TBC1D12: variants seen among roughly 807,000 people sequenced by gnomAD.
TBC1D12 encodes TBC1 domain family member 12.
TBC1D12 carries 56 observed loss-of-function variants against 86.7 expected under a neutral mutation model. That is an observed-to-expected ratio of 0.65 (90% CI 0.52 to 0.81). The LOEUF is 0.81. Ranked by LOEUF, TBC1D12 falls within the 30% of genes least tolerant of loss-of-function variation. The probability of loss-of-function intolerance (pLI) is 0.00; values close to 1 mark genes in which losing one functional copy is unlikely to be tolerated. For synonymous variants in TBC1D12, 421 were observed against 411.7 expected, an observed-to-expected ratio of 1.02 and a Z score of -0.27; for missense variants, 1,023 against 1,038.8, an observed-to-expected ratio of 0.98 and a Z score of 0.21.
chr10:94,428,994 C>G (rs1227366673), intron 1 of TBC1D12, among the ~76,000 whole-genome samples: 5 of 152,112 alleles, frequency 3.3e-5, no homozygotes, highest in Admixed American at 2.6e-4. Flanking sequence ...CGTGAGTCAT[C>G]ATGCTCAGCA....
chr10:94,514,050 CA>C (rs34400993), intron 9 of TBC1D12, among the ~76,000 whole-genome samples: 55,202 of 133,620 alleles, frequency 0.41, 10,879 homozygotes, highest in East Asian at 0.69. Context: ...AAAAAAAAAA[CA>C]AAAAAAAAAA....
At chr10:94,459,926 C>T (rs1053573482) in intron 2 of TBC1D12, among the ~76,000 whole-genome samples, 42 of 152,322 alleles carry the variant, frequency 2.8e-4, no homozygotes, top group Middle Eastern at 3.4e-3. Flanking sequence ...TGGCCTCAGC[C>T]TGCCCAGAGA....
chr10:94,482,880 T>A (rs1297217066), intron 3 of TBC1D12, among the ~76,000 whole-genome samples: 1 of 152,168 alleles, frequency 6.6e-6, no homozygotes, highest in Non-Finnish European at 1.5e-5. Flanking sequence ...ACTTTTTAGC[T>A]CTACAAATAA....
Position 94,402,894 on chromosome 10 carries a change from A to T in TBC1D12, c.281A>T (p.Gln94Leu). Residue 94 changes from glutamine to leucine, a missense_variant, in exon 1 of 13, where the codon CAG becomes CTG. By Grantham distance (113) the Gln-to-Leu change is moderately radical. Around this residue, in one of 2 missense-constraint regions of TBC1D12, gnomAD observed 628 missense variants for 531.1 expected, o/e 1.18. Transcript: ENST00000225235. ...TGCTACTGTCCGCTCCCCGCTGGCC[A>T]GGCCGGCGCCCCGCCGCCCTCGGCA... ...GLCYCPLPAG[Q>L]AGAPPPSAAP... 6.7e-7 allele frequency: 1 copy of T among 1,487,672 alleles called. No individual in the cohort carries two copies. The highest frequency in any genetic ancestry group is 8.9e-7 in the Non-Finnish European group (1 of 1,126,226). The allele number at this position is 1,487,672 out of a possible 1,614,324, so 92.2% of individuals were successfully genotyped here. A position where few individuals can be genotyped will look rare whatever the true frequency, so the allele number is the denominator to read the frequency against.
At chr10:94,518,217 T>A (rs1461395797) in intron 9 of TBC1D12, among the ~76,000 whole-genome samples, 2 of 151,990 alleles carry the variant, frequency 1.3e-5, no homozygotes, top group African/African-American at 4.8e-5. Flanking sequence ...TTTTCTTTTC[T>A]TTTTCTTTTT....
chr10:94,481,045 CTTTTT>C (rs769709070), intron 3 of TBC1D12, among the ~76,000 whole-genome samples: 3 of 126,954 alleles, frequency 2.4e-5, no homozygotes, highest in Admixed American at 8.2e-5. Context: ...TGAAAGGAAT[CTTTTT>C]TTTTTTTTTT....
At position 94,517,400 on chromosome 10, in the gene TBC1D12, C is replaced by T. The variant is rs138493986; in HGVS notation, c.1762-4555C>T. 7.1e-3 allele frequency among the ~76,000 whole-genome samples: 1,079 copies of T among 152,204 alleles called. 9 individuals are homozygous for T. Among genetic ancestry groups the T allele is most frequent in the Non-Finnish European group, 0.011 (769 of 67,988 alleles). ...CTCAAAACAAACAAACAAAAATCCTCACTTAAAGGCACTTGTTTAACCTGG... is the reference window on the plus strand; with the variant it reads ...CTCAAAACAAACAAACAAAAATCCTTACTTAAAGGCACTTGTTTAACCTGG... On this transcript the variant is annotated intron_variant, in intron 9 of 12. Transcript: ENST00000225235.
chr10:94,426,069 G>A (rs1340872209), intron 1 of TBC1D12, among the ~76,000 whole-genome samples: 1 of 152,036 alleles, frequency 6.6e-6, no homozygotes, highest in Non-Finnish European at 1.5e-5. Flanking sequence ...GATTCTATGA[G>A]GTGACTGTAG....
At chr10:94,512,856 T>A (rs542360805) in intron 9 of TBC1D12, among the ~76,000 whole-genome samples, 295 of 152,282 alleles carry the variant, frequency 1.9e-3, no homozygotes, top group Non-Finnish European at 2.5e-3. Flanking sequence ...CCTTCACATG[T>A]TAAAGTTGAA....
chr10:94,406,985 C>G (rs1177921394), intron 1 of TBC1D12, among the ~76,000 whole-genome samples: 1 of 152,048 alleles, frequency 6.6e-6, no homozygotes, highest in Non-Finnish European at 1.5e-5. Context: ...TCCATGCTTT[C>G]CTTCTTCTTC....
Position 94,402,658 on chromosome 10 carries a change from CA to C in TBC1D12, c.47del (p.Lys16SerfsTer17). The C allele has an allele frequency of 6.2e-7, 1 of 1,611,218 alleles. No individual in the cohort carries two copies. Among genetic ancestry groups the C allele is most frequent in the Non-Finnish European group, 8.5e-7 (1 of 1,179,400 alleles). On this transcript the variant is annotated frameshift_variant, in exon 1 of 13. Coordinates refer to ENST00000225235, the MANE Select transcript of TBC1D12 (RefSeq NM_015188.2). LOFTEE classifies it high-confidence loss of function. ...DAGACSGRNP[K>X]LLPVPAPDPV... ...CCGGAGCCTGCTCGGGAAGAAACCC[CA>C]AGTTGCTCCCGGTGCCTGCGCCGGA...
intron 1 of TBC1D12, among the ~76,000 whole-genome samples, chr10:94,428,568 A>G (rs567908512): frequency 6.6e-5 from 10 of 152,304 alleles, no homozygotes; most frequent in Middle Eastern, 3.4e-3. Context: ...CTGGAATTAC[A>G]GGTGTAAGCC....
At chr10:94,518,202 C>A (rs1564988709) in intron 9 of TBC1D12, among the ~76,000 whole-genome samples, 1 of 151,742 alleles carries the variant, frequency 6.6e-6, no homozygotes, top group Non-Finnish European at 1.5e-5. Flanking sequence ...ACTATGCATT[C>A]TTTTTTTTCT....
intron 1 of TBC1D12, among the ~76,000 whole-genome samples, chr10:94,413,616 T>G (rs762530279): frequency 1.3e-5 from 2 of 152,174 alleles, no homozygotes; most frequent in Non-Finnish European, 2.9e-5. Flanking sequence ...AGCATGCTCT[T>G]TCCTGCAATT....
chr10:94,510,470 A>G (rs2056513213), intron 8 of TBC1D12, among the ~76,000 whole-genome samples: 1 of 152,208 alleles, frequency 6.6e-6, no homozygotes, highest in South Asian at 2.1e-4. Flanking sequence ...TGTAAGATAT[A>G]TGAATTCTTA....
intron 2 of TBC1D12, among the ~76,000 whole-genome samples, chr10:94,459,699 GTGC>G (rs951291333): frequency 2.0e-5 from 3 of 152,220 alleles, no homozygotes; most frequent in African/African-American, 7.2e-5. Context: ...CAGGCTGGCA[GTGC>G]TGGGGGACCC....
intron 2 of TBC1D12, among the ~76,000 whole-genome samples, chr10:94,444,049 T>C (rs1397044074): frequency 6.6e-6 from 1 of 151,918 alleles, no homozygotes; most frequent in African/African-American, 2.4e-5. Context: ...TGCATGCTTA[T>C]AGTCCCAGCT....
At chr10:94,507,748 G>A (rs1309151072) in intron 7 of TBC1D12, among the ~76,000 whole-genome samples, 1 of 152,096 alleles carries the variant, frequency 6.6e-6, no homozygotes, top group African/African-American at 2.4e-5. Flanking sequence ...CACTTTGGGG[G>A]GCCAAGGCAG....
intron 4 of TBC1D12, among the ~76,000 whole-genome samples, chr10:94,496,229 G>T (rs1399270065): frequency 2.6e-5 from 4 of 151,952 alleles, no homozygotes; most frequent in Non-Finnish European, 5.9e-5. Context: ...CATCCTCACT[G>T]GTTCTAAAAT....
Sources: allele counts gnomAD v4.1 joint callset (sites outside exome capture counted in the v4.1 genomes callset), GRCh38; gene constraint gnomAD v4.1.1; regional missense constraint gnomAD v4.1.1; transcripts MANE v1.5; gene names NCBI Gene and HGNC (gene_info 2026-07-23, HGNC 2026-07-21).